GLIS1: variants seen among roughly 807,000 people sequenced by gnomAD.
GLIS1 encodes the protein GLIS family zinc finger 1.
Under a neutral mutation model 63.8 loss-of-function variants are expected in GLIS1, and 24 were observed. That is an observed-to-expected ratio of 0.38 (90% CI 0.27 to 0.53). The LOEUF (loss-of-function observed/expected upper bound fraction) is 0.53. Ranked by LOEUF, GLIS1 falls within the 20% of genes least tolerant of loss-of-function variation. The pLI is 0.85. For synonymous variants in GLIS1, 450 were observed against 482.5 expected (o/e 0.93, Z 0.88); for missense variants, 1,036 against 1,074.1 (o/e 0.96, Z 0.50).
chr1:53,673,709 T>C (rs563797330), intron 2 of GLIS1, among the ~76,000 whole-genome samples: 9 of 152,334 alleles, frequency 5.9e-5, no homozygotes, highest in African/African-American at 1.9e-4. Context: ...AAGAACGAAG[T>C]TCAATTCTCT....
chr1:53,553,367 C>T (rs996854585), intron 4 of GLIS1, among the ~76,000 whole-genome samples: 3 of 152,144 alleles, frequency 2.0e-5, no homozygotes, highest in Non-Finnish European at 2.9e-5. Context: ...ATTCTCCATT[C>T]ATCCATTCAT....
At chr1:53,509,710 C>A (rs1201241826) in intron 9 of GLIS1, 139 bp downstream of exon 9, 4 of 499,216 alleles carry the variant, frequency 8.0e-6, no homozygotes, top group Non-Finnish European at 1.3e-5. Flanking sequence ...TGTCTCCTAG[C>A]TTCTCTCAGC....
chr1:53,633,520 G>C (rs1035419021), intron 2 of GLIS1, among the ~76,000 whole-genome samples: 1 of 151,894 alleles, frequency 6.6e-6, no homozygotes, highest in African/African-American at 2.4e-5. Context: ...GAGTGTGACT[G>C]AAGTGCGTGT....
At chr1:53,538,151 C>T (rs1381336231) in intron 4 of GLIS1, among the ~76,000 whole-genome samples, 1 of 152,200 alleles carries the variant, frequency 6.6e-6, no homozygotes. Flanking sequence ...TGGGGCTTCG[C>T]CAGTCCTCTG....
intron 2 of GLIS1, among the ~76,000 whole-genome samples, chr1:53,685,270 A>G (rs1646322341): frequency 6.6e-6 from 1 of 152,066 alleles, no homozygotes; most frequent in Admixed American, 6.5e-5. Flanking sequence ...ATGCTGCCAC[A>G]CACCCCTGCA....
chr1:53,619,076 G>A (rs993806465), intron 2 of GLIS1, among the ~76,000 whole-genome samples: 1 of 152,186 alleles, frequency 6.6e-6, no homozygotes, highest in Non-Finnish European at 1.5e-5. Context: ...CCAGAGGCGG[G>A]GCTGGTCTTG....
chr1:53,576,806 T>C (rs1300779480), intron 4 of GLIS1, among the ~76,000 whole-genome samples: 1 of 151,976 alleles, frequency 6.6e-6, no homozygotes, highest in African/African-American at 2.4e-5. Context: ...TGTACCCCAC[T>C]CTCCTCAACC....
rs551642809 is a variant in GLIS1, at chr1:53,682,415, T to C, written c.259+55391A>G. Among the ~76,000 whole-genome samples the C allele has an allele frequency of 7.4e-5, 11 of 149,032 alleles. No individual in the cohort carries two copies. In the South Asian group the frequency reaches 8.4e-4, roughly 11 times the overall value. On this transcript the variant is annotated intron_variant, in intron 2 of 10. Coordinates refer to ENST00000628545, the MANE Select transcript of GLIS1 (RefSeq NM_001367484.1). ...TGGTGGGGGAATGGCCCTCTCATTC[T>C]GTAGATGACTGAAGTAAGCTGAACA...
chr1:53,530,958 T>TGGTGCTG (rs1644524168), intron 4 of GLIS1, among the ~76,000 whole-genome samples: 1 of 152,182 alleles, frequency 6.6e-6, no homozygotes, highest in Non-Finnish European at 1.5e-5. Flanking sequence ...CATCCAGGTG[T>TGGTGCTG]GGTGCTGGGT....
chr1:53,701,843 A>C (rs1646525746), intron 2 of GLIS1, among the ~76,000 whole-genome samples: 1 of 151,856 alleles, frequency 6.6e-6, no homozygotes, highest in Non-Finnish European at 1.5e-5. Flanking sequence ...AAATACAAAA[A>C]TTAGCCGGGC....
rs139141005 is a variant in GLIS1, at chr1:53,594,651, G to C, written c.777C>G (p.Ser259=). Residue 259 remains serine, a synonymous_variant, in exon 4 of 11, where the codon TCC becomes TCG. Transcript: ENST00000628545. ...AGGAGCGGATGATGGAGGTGACGTCGGAGGAGGCACAGGGTGAGGAGGAGG... is the reference window on the plus strand; with the variant it reads ...AGGAGCGGATGATGGAGGTGACGTCCGAGGAGGCACAGGGTGAGGAGGAGG... ...SPASSSPCAS[S]DVTSIIRSSQ... is the part of the protein sequence containing the mutation. 2.2e-4 allele frequency: 349 copies of C among 1,557,894 alleles called. 3 individuals are homozygous for C. The African/African-American group carries it at 4.0e-3, about 18-fold the overall frequency.
intron 2 of GLIS1, among the ~76,000 whole-genome samples, chr1:53,621,880 C>T (rs916130765): frequency 6.6e-6 from 1 of 151,962 alleles, no homozygotes; most frequent in African/African-American, 2.4e-5. Flanking sequence ...GTGCAATCTC[C>T]GCTCACTGCA....
At chr1:53,612,791 T>A (rs1030464941) in intron 2 of GLIS1, among the ~76,000 whole-genome samples, 1 of 150,986 alleles carries the variant, frequency 6.6e-6, no homozygotes, top group Admixed American at 6.6e-5. Flanking sequence ...GTCCCTCAAG[T>A]CCTAGCTGTC....
chr1:53,608,025 G>A lies in GLIS1; in HGVS notation c.260-7747C>T, dbSNP rs116283388. On this transcript the variant is annotated intron_variant, in intron 2 of 10. Coordinates refer to ENST00000628545, the MANE Select transcript of GLIS1 (RefSeq NM_001367484.1). ...CATCCAGGCTGGAGTGCAGTGGTGCGATCATAGCACACTGCAGCCTCAAGT... is the reference window on the plus strand; with the variant it reads ...CATCCAGGCTGGAGTGCAGTGGTGCAATCATAGCACACTGCAGCCTCAAGT... 3.5e-3 allele frequency among the ~76,000 whole-genome samples: 523 copies of A among 149,990 alleles called. 5 individuals carry two copies. The highest frequency in any genetic ancestry group is 0.012 in the African/African-American group (504 of 40,764).
At chr1:53,522,986 C>CTTTTTTTTTTT (rs1553120127) in intron 6 of GLIS1, among the ~76,000 whole-genome samples, 14 of 43,690 alleles carry the variant, frequency 3.2e-4, no homozygotes, top group African/African-American at 6.2e-4. Context: ...TCTTTTCTTT[C>CTTTTTTTTTTT]TTTTTTTTTT....
intron 2 of GLIS1, among the ~76,000 whole-genome samples, chr1:53,723,965 A>G (rs569633209): frequency 6.6e-6 from 1 of 152,310 alleles, no homozygotes; most frequent in East Asian, 1.9e-4. Context: ...TTACCCGCTA[A>G]GGAACCAGCA....
chr1:53,525,454 G>GGGCTAGGGA (rs1557431810), intron 5 of GLIS1, among the ~76,000 whole-genome samples: 2 of 98,130 alleles, frequency 2.0e-5, no homozygotes, highest in Non-Finnish European at 2.0e-5. Flanking sequence ...TGAGAACACA[G>GGGCTAGGGA]GGCTGGGGAG....
chr1:53,610,771 CGTCTTTCCCCT>C (rs1184422209), intron 2 of GLIS1, among the ~76,000 whole-genome samples: 1 of 152,160 alleles, frequency 6.6e-6, no homozygotes, highest in African/African-American at 2.4e-5. Flanking sequence ...CTTTGCTCGT[CGTCTTTCCCCT>C]GTCTTTCTGG....
intron 2 of GLIS1, among the ~76,000 whole-genome samples, chr1:53,601,253 C>G (rs1183922581): frequency 1.3e-5 from 2 of 152,160 alleles, no homozygotes; most frequent in African/African-American, 4.8e-5. Context: ...TCACCCGTTC[C>G]CCAGTGATGC....
Sources: gnomAD v4.1 joint callset for allele counts (sites outside exome capture counted in the v4.1 genomes callset) on GRCh38, gnomAD v4.1.1 for gene constraint, MANE v1.5 for transcripts, NCBI Gene and HGNC (gene_info 2026-07-23, HGNC 2026-07-21) for gene names.